Variants in SUPT3H observed in about 807,000 individuals in gnomAD.
SUPT3H encodes the protein transcription initiation protein SPT3 homolog.
Under a neutral mutation model 44.3 loss-of-function variants are expected in SUPT3H, and 44 were observed. The observed-to-expected ratio is 0.99, with a 90% CI of 0.78 to 1.28. The LOEUF is 1.28. Ranked by LOEUF, SUPT3H falls within the 50% of genes most tolerant of loss-of-function variation. The pLI is 0.00. For missense variants in SUPT3H, 380 were observed against 387.1 expected, an observed-to-expected ratio of 0.98 and a Z score of 0.15; for synonymous variants, 124 against 125.6, an observed-to-expected ratio of 0.99 and a Z score of 0.09.
chr6:44,893,476 G>C (rs1763632562), intron 10 of SUPT3H, among the ~76,000 whole-genome samples: 1 of 152,002 alleles, frequency 6.6e-6, no homozygotes, highest in South Asian at 2.1e-4. Flanking sequence ...GCGGTGTTTG[G>C]TTTTTTGTTC....
chr6:44,854,380 C>A (rs992605057), intron 10 of SUPT3H, among the ~76,000 whole-genome samples: 3 of 152,116 alleles, frequency 2.0e-5, no homozygotes, highest in African/African-American at 7.2e-5. Context: ...CTCTTCATAG[C>A]AGCCTGAGTG....
At chr6:45,115,710 T>C (rs1213076891) in intron 2 of SUPT3H, among the ~76,000 whole-genome samples, 2 of 152,170 alleles carry the variant, frequency 1.3e-5, no homozygotes, top group Admixed American at 1.3e-4. Context: ...AACAATGACA[T>C]GATGATGGTG....
chr6:44,976,469 C>A (rs1223658476), intron 6 of SUPT3H, among the ~76,000 whole-genome samples: 1 of 151,888 alleles, frequency 6.6e-6, no homozygotes, highest in Non-Finnish European at 1.5e-5. Flanking sequence ...TCGAGAGATT[C>A]TCCTGCCTCA....
intron 10 of SUPT3H, among the ~76,000 whole-genome samples, chr6:44,885,804 G>A (rs1038326300): frequency 3.5e-4 from 54 of 152,240 alleles, no homozygotes; most frequent in African/African-American, 1.1e-3. Flanking sequence ...GGCTTCAGAC[G>A]ATCAAACTAC....
At chr6:44,994,501 CCAGAGAT>C (rs1781017026) in intron 6 of SUPT3H, among the ~76,000 whole-genome samples, 1 of 152,018 alleles carries the variant, frequency 6.6e-6, no homozygotes, top group African/African-American at 2.4e-5. Flanking sequence ...TCCTAAAGTT[CCAGAGAT>C]CCAGGGTTTT....
intron 2 of SUPT3H, among the ~76,000 whole-genome samples, chr6:45,347,239 GTAAATTAAAC>G (rs1266320941): frequency 6.6e-6 from 1 of 152,104 alleles, no homozygotes; most frequent in East Asian, 1.9e-4. Flanking sequence ...AAGAGATATA[GTAAATTAAAC>G]TACAGTGAAT....
chr6:44,977,080 T>C (rs1031653551), intron 6 of SUPT3H, among the ~76,000 whole-genome samples: 3 of 152,250 alleles, frequency 2.0e-5, no homozygotes, highest in Admixed American at 6.5e-5. Context: ...CAGGCCTAGT[T>C]CATAAGCAAG....
At chr6:45,284,118 C>T (rs528869835) in intron 2 of SUPT3H, among the ~76,000 whole-genome samples, 31 of 152,080 alleles carry the variant, frequency 2.0e-4, no homozygotes, top group Non-Finnish European at 4.1e-4. Flanking sequence ...ATTTAGAGCA[C>T]TACATGCCCA....
chr6:45,145,438 AT>A (rs1365599288), intron 2 of SUPT3H, among the ~76,000 whole-genome samples: 1 of 152,146 alleles, frequency 6.6e-6, no homozygotes, highest in African/African-American at 2.4e-5. Context: ...TATTCAACAA[AT>A]GGTGCTGGGA....
intron 2 of SUPT3H, among the ~76,000 whole-genome samples, chr6:45,211,533 T>A (rs1484951597): frequency 6.6e-6 from 1 of 152,122 alleles, no homozygotes; most frequent in Non-Finnish European, 1.5e-5. Context: ...ATTTGTCCAA[T>A]AACATGGTCT....
At chr6:44,925,114 A>C (rs529994737) in intron 10 of SUPT3H, among the ~76,000 whole-genome samples, 7 of 152,324 alleles carry the variant, frequency 4.6e-5, no homozygotes, top group East Asian at 1.9e-4. Context: ...CTATTAGTCC[A>C]TTATGAACAT....
intron 10 of SUPT3H, among the ~76,000 whole-genome samples, chr6:44,843,620 A>C (rs755085219): frequency 1.3e-5 from 2 of 152,154 alleles, no homozygotes; most frequent in Non-Finnish European, 2.9e-5. Context: ...AAAATTAAGA[A>C]ATTAAAATGG....
intron 6 of SUPT3H, among the ~76,000 whole-genome samples, chr6:44,997,819 A>T (rs1781474649): frequency 6.6e-6 from 1 of 151,840 alleles, no homozygotes; most frequent in Non-Finnish European, 1.5e-5. Flanking sequence ...TTCTATATCT[A>T]GTTTATTAAG....
chr6:45,031,431 T>C (rs1231847317), intron 3 of SUPT3H, among the ~76,000 whole-genome samples: 2 of 152,228 alleles, frequency 1.3e-5, no homozygotes, highest in Non-Finnish European at 2.9e-5. Flanking sequence ...AAATGTAAGC[T>C]AACTTTCATC....
At chr6:45,201,656 T>C (rs887437754) in intron 2 of SUPT3H, among the ~76,000 whole-genome samples, 7 of 151,884 alleles carry the variant, frequency 4.6e-5, no homozygotes, top group African/African-American at 1.7e-4. Context: ...TGCTGTTTCT[T>C]ATTCAAAAGG....
At chr6:44,897,701 G>T (rs1425715915) in intron 10 of SUPT3H, among the ~76,000 whole-genome samples, 1 of 152,124 alleles carries the variant, frequency 6.6e-6, no homozygotes, top group Admixed American at 6.5e-5. Flanking sequence ...GCAGTGTGCT[G>T]GTTCCTGGGG....
At chr6:45,142,764 A>AAAAAAAAAAAAAAAT (rs1805441110) in intron 2 of SUPT3H, among the ~76,000 whole-genome samples, 1 of 127,034 alleles carries the variant, frequency 7.9e-6, no homozygotes, top group African/African-American at 2.9e-5. Context: ...AAAAAAAAAA[A>AAAAAAAAAAAAAAAT]GCAGAATGGC....
chr6:45,049,861 A>AT (rs1789997571), intron 3 of SUPT3H, among the ~76,000 whole-genome samples: 1 of 152,192 alleles, frequency 6.6e-6, no homozygotes, highest in South Asian at 2.1e-4. Flanking sequence ...ATCAATTTGC[A>AT]TAATAGTTAC....
At chr6:44,890,191 G>T (rs761706841) in intron 10 of SUPT3H, among the ~76,000 whole-genome samples, 5 of 149,978 alleles carry the variant, frequency 3.3e-5, no homozygotes, top group Admixed American at 6.7e-5. Flanking sequence ...CATTGTGGAA[G>T]TCAGTGTGGC....
Sources: allele counts gnomAD v4.1 joint callset (sites outside exome capture counted in the v4.1 genomes callset), GRCh38; gene constraint gnomAD v4.1.1; transcripts MANE v1.5; gene names NCBI Gene and HGNC (gene_info 2026-07-23, HGNC 2026-07-21).